NARS2: variants seen among roughly 807,000 people sequenced by gnomAD.
The protein encoded by NARS2 is asparaginyl-tRNA synthetase.
NARS2 carries 60 observed loss-of-function variants against 62.9 expected under a neutral mutation model. The ratio of observed to expected loss-of-function variants is 0.95; its 90% CI spans 0.77 to 1.18. NARS2 has a LOEUF of 1.18. Ranked by LOEUF, NARS2 falls within the 50% of genes most tolerant of loss-of-function variation. The pLI is 0.00. For missense variants in NARS2, 619 were observed against 576.4 expected (o/e 1.07, Z -0.76); for synonymous variants, 196 against 200.0 (o/e 0.98, Z 0.17).
chr11:78,522,321 C>A (rs1279576406), intron 6 of NARS2, among the ~76,000 whole-genome samples: 1 of 151,988 alleles, frequency 6.6e-6, no homozygotes, highest in African/African-American at 2.4e-5. Flanking sequence ...AGACAAAGAG[C>A]TTTCAGATAA....
At chr11:78,504,116 T>G (rs1411788892) in intron 6 of NARS2, among the ~76,000 whole-genome samples, 1 of 152,218 alleles carries the variant, frequency 6.6e-6, no homozygotes, top group East Asian at 1.9e-4. Flanking sequence ...CTTTCTACAG[T>G]AGTCCCTAAA....
chr11:78,491,769 C>G (rs1181292165), intron 7 of NARS2, among the ~76,000 whole-genome samples: 1 of 152,124 alleles, frequency 6.6e-6, no homozygotes, highest in Non-Finnish European at 1.5e-5. Context: ...AACGCCCCTG[C>G]CCACACATCT....
intron 10 of NARS2, among the ~76,000 whole-genome samples, chr11:78,467,905 T>C (rs1034668867): frequency 1.4e-4 from 22 of 152,092 alleles, no homozygotes; most frequent in Non-Finnish European, 2.4e-4. Context: ...TGGAGGGCTG[T>C]AGTCGATCAT....
intron 4 of NARS2, among the ~76,000 whole-genome samples, chr11:78,561,026 GA>G (rs1856539148): frequency 6.6e-6 from 1 of 152,168 alleles, no homozygotes; most frequent in Admixed American, 6.5e-5. Context: ...GGCTAAACAT[GA>G]TTGCCCAAGT....
intron 6 of NARS2, among the ~76,000 whole-genome samples, chr11:78,520,877 G>A (rs536439469): frequency 3.9e-5 from 6 of 152,086 alleles, no homozygotes; most frequent in Admixed American, 1.3e-4. Flanking sequence ...CCAACATGAT[G>A]AAACCCCGTC....
intron 6 of NARS2, among the ~76,000 whole-genome samples, chr11:78,502,916 C>T (rs1860335127): frequency 7.0e-6 from 1 of 142,502 alleles, no homozygotes. Context: ...ATTGCTTGAA[C>T]CCAGGAGGCG....
chr11:78,450,050 C>T (rs1731546354), intron 11 of NARS2, among the ~76,000 whole-genome samples: 1 of 152,222 alleles, frequency 6.6e-6, no homozygotes, highest in African/African-American at 2.4e-5. Flanking sequence ...TGTCACTTCT[C>T]ACATTCCTCG....
In NARS2 at chr11:78,508,540, GATC is replaced by G. The variant is rs755844258; in HGVS notation, c.690-15348_690-15346del. ...AGAGGCAGAGGTTGCAGTGAGCTGA[GATC>G]ATGACACTGCACTCCAGCCAAGTGA... On this transcript the variant is annotated intron_variant, in intron 6 of 13. Transcript: ENST00000281038. Among the ~76,000 whole-genome samples the G allele has an allele frequency of 1.5e-4, 23 of 148,812 alleles. No individual in the cohort carries two copies. In the East Asian group the frequency reaches 4.5e-3, roughly 29 times the overall value.
At chr11:78,470,195 A>T (rs377099783) in intron 9 of NARS2, among the ~76,000 whole-genome samples, 1 of 152,234 alleles carries the variant, frequency 6.6e-6, no homozygotes, top group Non-Finnish European at 1.5e-5. Context: ...TCTAAGCATT[A>T]TAAGACTATG....
At chr11:78,558,215 C>G (rs571963098) in intron 5 of NARS2, 2 of 152,106 alleles carry the variant, frequency 1.3e-5, no homozygotes, top group African/African-American at 4.8e-5. Context: ...GATGCTAATA[C>G]CCCCACTCTA....
intron 11 of NARS2, among the ~76,000 whole-genome samples, chr11:78,458,569 CA>C (rs1277243612): frequency 6.6e-6 from 1 of 152,186 alleles, no homozygotes; most frequent in Non-Finnish European, 1.5e-5. Flanking sequence ...CTACCACTCA[CA>C]AAATTAAAGA....
intron 5 of NARS2, among the ~76,000 whole-genome samples, chr11:78,535,677 T>G: frequency 6.6e-6 from 1 of 152,044 alleles, no homozygotes; most frequent in Non-Finnish European, 1.5e-5. Context: ...TTGCCGAGGC[T>G]GGAGTGCAAT....
rs200061621 is a variant in NARS2 at position 78,494,473 on chromosome 11, T to TC, written c.690-1279_690-1278insG. Among the ~76,000 whole-genome samples the TC allele has an allele frequency of 1.1e-3, 159 of 149,048 alleles. 3 individuals carry two copies. The East Asian group carries it at 0.029, about 27-fold the overall frequency. ...ATATATAAGTTTTTTCTTTTTCTTTTTTTTTTTTTTTTTAGTAAAGATACT... is the reference window on the plus strand; with the variant it reads ...ATATATAAGTTTTTTCTTTTTCTTTTCTTTTTTTTTTTTTAGTAAAGATACT... On this transcript the variant is annotated intron_variant, in intron 6 of 13. Transcript: ENST00000281038.
intron 6 of NARS2, among the ~76,000 whole-genome samples, chr11:78,513,693 G>T (rs929273810): frequency 6.6e-6 from 1 of 152,070 alleles, no homozygotes; most frequent in African/African-American, 2.4e-5. Context: ...CAGGAGAATT[G>T]CTTGAACCTG....
chr11:78,499,246 A>G lies in NARS2; in HGVS notation c.690-6051T>C, dbSNP rs1255536374. On this transcript the variant is annotated intron_variant, in intron 6 of 13. Coordinates refer to ENST00000281038, the MANE Select transcript of NARS2 (RefSeq NM_024678.6). ...TCAGTCTTAATCTAGTGCCTAACAC[A>G]TACTAGTCAATATTTGTCAAATAAG... Among the ~76,000 whole-genome samples, 3 of 152,146 alleles carry G rather than the reference A, an allele frequency of 2.0e-5. No homozygotes were observed. The East Asian group carries it at 5.8e-4, about 29-fold the overall frequency.
intron 10 of NARS2, among the ~76,000 whole-genome samples, chr11:78,468,644 T>G (rs545299195): frequency 6.2e-4 from 94 of 152,072 alleles, no homozygotes; most frequent in African/African-American, 2.2e-3. Context: ...GACCTTGTGA[T>G]CCACCCGCCT....
rs1565287416 is a variant in NARS2, at chr11:78,563,854, AT to A, written c.513+2277del. Reference sequence around the variant, plus strand: ...CAAAAAAAAAAAAAAAAAAAAAAATATATATATATATATATGTATACACACA... The same window carrying A: ...CAAAAAAAAAAAAAAAAAAAAAAATAATATATATATATATGTATACACACA... On this transcript the variant is annotated intron_variant, in intron 4 of 13. Coordinates refer to ENST00000281038, the MANE Select transcript of NARS2 (RefSeq NM_024678.6). Among the ~76,000 whole-genome samples, 30 of 23,848 alleles carry A rather than the reference AT, an allele frequency of 1.3e-3. 1 individual carries two copies. Among genetic ancestry groups the A allele is most frequent in the African/African-American group, 2.2e-3 (24 of 10,740 alleles). The allele number at this position is 23,848 out of a possible 152,430, so 15.6% of individuals were successfully genotyped here. A position where few individuals can be genotyped will look rare whatever the true frequency, so the allele number is the denominator to read the frequency against.
At chr11:78,562,370 C>T (rs1856586478) in intron 4 of NARS2, among the ~76,000 whole-genome samples, 1 of 152,144 alleles carries the variant, frequency 6.6e-6, no homozygotes, top group Non-Finnish European at 1.5e-5. Context: ...ATTAAGGTGG[C>T]AGTAAGCCAT....
intron 3 of NARS2, 152 bp downstream of exon 3, chr11:78,568,480 G>C (rs1856812992): frequency 1.2e-6 from 1 of 805,946 alleles, no homozygotes; most frequent in Middle Eastern, 4.1e-4. Flanking sequence ...AATAATTTTT[G>C]CTACTGCCTC....
Sources: gnomAD v4.1 joint callset for allele counts (sites outside exome capture counted in the v4.1 genomes callset) on GRCh38, gnomAD v4.1.1 for gene constraint, MANE v1.5 for transcripts, NCBI Gene and HGNC (gene_info 2026-07-23, HGNC 2026-07-21) for gene names.